G6PC1: variants seen among roughly 807,000 people sequenced by gnomAD.
G6PC1 encodes the protein glucose-6-phosphatase catalytic subunit 1, also known as G-6-Pase.
Under a neutral mutation model 30.4 loss-of-function variants are expected in G6PC1, and 23 were observed. The observed-to-expected ratio is 0.76, with a 90% CI of 0.55 to 1.07. The LOEUF (loss-of-function observed/expected upper bound fraction) is 1.07. Ranked by LOEUF, G6PC1 falls within the 50% of genes least tolerant of loss-of-function variation. The pLI is 0.00. For synonymous variants in G6PC1, 163 were observed against 175.6 expected (o/e 0.93, Z 0.57); for missense variants, 391 against 433.9 (o/e 0.90, Z 0.88).
intron 1 of G6PC1, among the ~76,000 whole-genome samples, chr17:42,902,992 C>T (rs2056036205): frequency 6.6e-6 from 1 of 150,980 alleles, no homozygotes; most frequent in Non-Finnish European, 1.5e-5. Context: ...AAGTTTCAAA[C>T]TGTAGTTCCA....
At chr17:42,905,698 G>C (rs766907567) in intron 2 of G6PC1, among the ~76,000 whole-genome samples, 2 of 152,094 alleles carry the variant, frequency 1.3e-5, no homozygotes, top group African/African-American at 2.4e-5. Context: ...TTAGTCCTCT[G>C]TCTTAATAGA....
intron 2 of G6PC1, 134 bp downstream of exon 2, chr17:42,904,174 A>T (rs1365112772): frequency 1.4e-6 from 1 of 732,806 alleles, no homozygotes; most frequent in Admixed American, 1.9e-5. Context: ...GGCACAAATT[A>T]ATTCACTTCT....
Position 42,908,134 on chromosome 17 carries a change from G to A in G6PC1, c.446+506G>A, listed in dbSNP as rs894413961. ...CAACCTCTGCCTCCCAGGCTCAAGC[G>A]ATCCTCCCACCTCAGCCATCTGAGT... On this transcript the variant is annotated intron_variant, in intron 3 of 4. Coordinates refer to ENST00000253801, the MANE Select transcript of G6PC1 (RefSeq NM_000151.4). 5.3e-5 allele frequency among the ~76,000 whole-genome samples: 8 copies of A among 151,870 alleles called. No individual in the cohort carries two copies. The East Asian group carries it at 9.7e-4, about 18-fold the overall frequency.
Position 42,907,511 on chromosome 17 carries a change from C to T in G6PC1, c.341-12C>T, listed in dbSNP as rs774885342. ...TTTTCACCTTTACTCCATTCTCTTT[C>T]CTGCCCTTTAGGGAGCCCCTCTGGC... On this transcript the variant is annotated splice_polypyrimidine_tract_variant and intron_variant, in intron 2 of 4. Coordinates refer to ENST00000253801, the MANE Select transcript of G6PC1 (RefSeq NM_000151.4). 80 of 1,593,738 alleles carry T rather than the reference C, an allele frequency of 5.0e-5. No homozygotes were observed. The highest frequency in any genetic ancestry group is 6.9e-5 in the Non-Finnish European group (80 of 1,162,168).
intron 1 of G6PC1, among the ~76,000 whole-genome samples, chr17:42,902,447 C>T (rs1237626083): frequency 6.6e-6 from 1 of 152,144 alleles, no homozygotes; most frequent in Non-Finnish European, 1.5e-5. Flanking sequence ...GACATGGTTT[C>T]ACTATGTTGA....
chr17:42,903,811 G>A (rs1324310147), intron 1 of G6PC1, 120 bp from the exon 2 acceptor site: 6 of 746,726 alleles, frequency 8.0e-6, no homozygotes, highest in East Asian at 7.6e-5. Context: ...CAGCCACCCA[G>A]TTCTCCCTTC....
At position 42,909,859 on chromosome 17, in the gene G6PC1, T is replaced by G. The variant is rs571747639; in HGVS notation, c.562+441T>G. Among the ~76,000 whole-genome samples, 135 of 149,958 alleles carry G rather than the reference T, an allele frequency of 9.0e-4. 1 individual carries two copies. The highest frequency in any genetic ancestry group is 2.8e-3 in the African/African-American group (114 of 40,574). On this transcript the variant is annotated intron_variant, in intron 4 of 4. Coordinates refer to ENST00000253801, the MANE Select transcript of G6PC1 (RefSeq NM_000151.4). ...TTATAGGTTCAGAGTTTTGAATATGTTTTTTTTTGTTTTTTTTTTTTGAGA... is the reference window on the plus strand; with the variant it reads ...TTATAGGTTCAGAGTTTTGAATATGGTTTTTTTTGTTTTTTTTTTTTGAGA...
intron 2 of G6PC1, among the ~76,000 whole-genome samples, chr17:42,906,046 G>GA (rs574024936): frequency 0.14 from 18,813 of 129,842 alleles, 1,387 homozygotes; most frequent in African/African-American, 0.19. Flanking sequence ...ATTCTGTCAG[G>GA]AAAAAAAAAA....
At chr17:42,906,593 C>A (rs2056063385) in intron 2 of G6PC1, among the ~76,000 whole-genome samples, 1 of 152,038 alleles carries the variant, frequency 6.6e-6, no homozygotes, top group African/African-American at 2.4e-5. Context: ...GGGATGGGAA[C>A]CAGACGGGCC....
At position 42,909,187 on chromosome 17, in the gene G6PC1, C is replaced by A. The variant is rs1244227090; in HGVS notation, c.447-116C>A. The A allele has an allele frequency of 4.8e-6, 4 of 839,516 alleles. No individual in the cohort carries two copies. The African/African-American group carries it at 6.7e-5, about 14-fold the overall frequency. 52.0% of individuals were successfully genotyped at this position (839,516 alleles called of 1,614,324 possible). A position where few individuals can be genotyped will look rare whatever the true frequency, so the allele number is the denominator to read the frequency against. On this transcript the variant is annotated intron_variant, in intron 3 of 4. Transcript: ENST00000253801. ...ACTTTTGAGTACTGGCTTTAATTTA[C>A]AAAAATTCCACTGAGAGCACCTAAG...
chr17:42,900,844 C>A lies in G6PC1; in HGVS notation c.-33C>A. Reference sequence around the variant, plus strand: ...GCCTGGAATAACTGCAAGGGCTCTGCTGACATCTTCCTGAGGTGCCAAGGA... The same window carrying A: ...GCCTGGAATAACTGCAAGGGCTCTGATGACATCTTCCTGAGGTGCCAAGGA... On this transcript the variant is annotated 5_prime_UTR_variant, in exon 1 of 5. The change creates a new upstream start codon in the 5' untranslated region. Coordinates refer to ENST00000253801, the MANE Select transcript of G6PC1 (RefSeq NM_000151.4). The A allele has an allele frequency of 6.4e-7, 1 of 1,571,626 alleles. No homozygotes were observed. Among genetic ancestry groups the A allele is most frequent in the Non-Finnish European group, 8.8e-7 (1 of 1,142,026 alleles).
At chr17:42,908,857 C>A (rs1456864402) in intron 3 of G6PC1, among the ~76,000 whole-genome samples, 2 of 151,738 alleles carry the variant, frequency 1.3e-5, no homozygotes, top group African/African-American at 4.9e-5. Flanking sequence ...GCGTGAGCCA[C>A]CCCACCTGGC....
Position 42,911,411 on chromosome 17 carries a change from C to G in G6PC1, c.1059C>G (p.His353Gln), listed in dbSNP as rs747942809. The change falls in exon 5 of 5, where the codon CAC (histidine) becomes CAG (glutamine). Residue 353 changes from histidine to glutamine, a missense_variant. Coordinates refer to ENST00000253801, the MANE Select transcript of G6PC1 (RefSeq NM_000151.4). ...TCGCCCAGGTCCTGGGCCAGCCGCA[C>G]AAGAAGTCGTTGTAAGAGATGTGGA... Reference protein sequence around the residue: ...YCLAQVLGQPHKKSL With the variant: ...YCLAQVLGQPQKKSL 6.2e-7 allele frequency: 1 copy of G among 1,614,182 alleles called. No individual in the cohort carries two copies. The highest frequency in any genetic ancestry group is 2.2e-5 in the East Asian group (1 of 44,886).
chr17:42,905,475 C>T (rs1567704367), intron 2 of G6PC1, among the ~76,000 whole-genome samples: 1 of 96,322 alleles, frequency 1.0e-5, no homozygotes, highest in African/African-American at 4.2e-5. Flanking sequence ...CACACACACA[C>T]ATATAATACT....
At position 42,912,638 on chromosome 17, in the gene G6PC1, CTT is replaced by C. The variant is rs397735497; in HGVS notation, c.*1226_*1227del. ...TAAAGGAAAAGTCAACATCTTCTCT[CTT>C]TTTTTTTTTTTTTGAGACAGGGTCT... On this transcript the variant is annotated 3_prime_UTR_variant, in exon 5 of 5. Transcript: ENST00000253801. 1.6e-4 allele frequency: 23 copies of C among 139,514 alleles called. No individual in the cohort carries two copies. The highest frequency in any genetic ancestry group is 2.2e-4 in the Admixed American group (3 of 13,826). The allele number at this position is 139,514 out of a possible 1,614,324, so 8.6% of individuals were successfully genotyped here.
intron 4 of G6PC1, among the ~76,000 whole-genome samples, chr17:42,910,283 T>A (rs2056087302): frequency 1.3e-5 from 2 of 151,972 alleles, no homozygotes; most frequent in African/African-American, 4.9e-5. Context: ...TGGAGATTTG[T>A]AAGAACGGAA....
intron 4 of G6PC1, 32 bp from the exon 5 acceptor site, chr17:42,910,883 T>G: frequency 6.2e-7 from 1 of 1,611,828 alleles, no homozygotes; most frequent in South Asian, 1.1e-5. Flanking sequence ...AAATCCTTCC[T>G]ATCTCTCACA....
chr17:42,904,595 A>G (rs2056047222), intron 2 of G6PC1, among the ~76,000 whole-genome samples: 1 of 152,026 alleles, frequency 6.6e-6, no homozygotes, highest in Middle Eastern at 3.2e-3. Context: ...CCTGACCCCA[A>G]AACTAGGGAA....
chr17:42,901,459 T>G (rs1458134405), intron 1 of G6PC1, among the ~76,000 whole-genome samples: 1 of 152,154 alleles, frequency 6.6e-6, no homozygotes, highest in East Asian at 1.9e-4. Flanking sequence ...GGCTCACACC[T>G]GTAATCCCAG....
Sources: gnomAD v4.1 joint callset for allele counts (sites outside exome capture counted in the v4.1 genomes callset) on GRCh38, gnomAD v4.1.1 for gene constraint, MANE v1.5 for transcripts, NCBI Gene and HGNC (gene_info 2026-07-23, HGNC 2026-07-21) for gene names.